SYNE1: variants seen among roughly 807,000 people sequenced by gnomAD.
SYNE1 encodes the protein spectrin repeat containing nuclear envelope protein 1, also known as nesprin-1.
In SYNE1, 616 loss-of-function variants were observed where a neutral mutation model predicts 1,111.0. That is an observed-to-expected ratio of 0.55 (90% confidence interval 0.52 to 0.59). SYNE1 has a LOEUF of 0.59. Among genes scored for constraint, SYNE1 ranks in the 20% least tolerant of loss-of-function variants. The pLI, the probability that SYNE1 is intolerant of heterozygous loss-of-function variation, is 0.00. For missense variants in SYNE1, 10,006 were observed against 10,417.0 expected (o/e 0.96, Z 1.72); for synonymous variants, 3,855 against 3,825.8 (o/e 1.01, Z -0.28).
chr6:152,313,507 G>A (rs1211010462), intron 87 of SYNE1, among the ~76,000 whole-genome samples: 2 of 149,064 alleles, frequency 1.3e-5, no homozygotes, highest in African/African-American at 5.0e-5. Context: ...TCTGTGGCCA[G>A]GCTGGAGTGC....
chr6:152,494,362 C>T (rs950488719), intron 11 of SYNE1, among the ~76,000 whole-genome samples: 12 of 152,156 alleles, frequency 7.9e-5, no homozygotes, highest in African/African-American at 2.9e-4. Context: ...CCACACCTGA[C>T]CCCCATGATT....
At chr6:152,408,676 G>T (rs983000432) in intron 44 of SYNE1, among the ~76,000 whole-genome samples, 6 of 152,108 alleles carry the variant, frequency 3.9e-5, no homozygotes, top group Admixed American at 1.3e-4. Context: ...AAATTCAGCT[G>T]GGTGCGGTGG....
At chr6:152,187,867 A>G (rs1468001471) in intron 128 of SYNE1, among the ~76,000 whole-genome samples, 4 of 152,084 alleles carry the variant, frequency 2.6e-5, no homozygotes, top group Non-Finnish European at 5.9e-5. Context: ...CTGGGATTAC[A>G]GGCACCCGCC....
Position 152,344,329 on chromosome 6 carries a change from T to C in SYNE1, c.12079-102A>G, listed in dbSNP as rs1000254950. ...ATGACCAGTACATCTAAATGGATTT[T>C]CCCCCCAAGATTCTGCAATTTCATC... is the stretch of plus-strand genomic sequence containing the variant. On this transcript the variant is annotated intron_variant, in intron 73 of 145. Coordinates refer to ENST00000367255, the MANE Select transcript of SYNE1 (RefSeq NM_182961.4). 6 of 1,537,174 alleles carry C rather than the reference T, an allele frequency of 3.9e-6. No homozygotes were observed. In the African/African-American group the frequency reaches 4.1e-5, roughly 10 times the overall value.
chr6:152,281,430 T>C (rs909431671), intron 97 of SYNE1, among the ~76,000 whole-genome samples: 1 of 152,184 alleles, frequency 6.6e-6, no homozygotes, highest in Non-Finnish European at 1.5e-5. Flanking sequence ...AGAACCAAAA[T>C]TGTAACAGAG....
chr6:152,391,376 G>GC lies in SYNE1; in HGVS notation c.7904dup (p.Ser2635ArgfsTer42). 1 of 1,613,994 alleles carries GC rather than the reference G, an allele frequency of 6.2e-7. No homozygotes were observed. The highest frequency in any genetic ancestry group is 1.1e-5 in the South Asian group (1 of 91,068). On this transcript the variant is annotated frameshift_variant, in exon 52 of 146. Coordinates refer to ENST00000367255, the MANE Select transcript of SYNE1 (RefSeq NM_182961.4). LOFTEE classifies it high-confidence loss of function. ...GAATGGCCTTCACCCAGAACCACAT[G>GC]CTTTGCAGTGCTTCCTCCAGGGCTT...
chr6:152,167,618 CA>C (rs1179019336), intron 130 of SYNE1: 1 of 418,270 alleles, frequency 2.4e-6, no homozygotes, highest in Non-Finnish European at 4.8e-6. Context: ...CTGACAAGCA[CA>C]AACAAAAGCA....
At chr6:152,490,592 C>G (rs575782504) in intron 11 of SYNE1, among the ~76,000 whole-genome samples, 6 of 152,280 alleles carry the variant, frequency 3.9e-5, no homozygotes, top group African/African-American at 1.4e-4. Flanking sequence ...CCCCCTTTGA[C>G]TGTAATTTTC....
rs1445073584 is a variant in SYNE1 at position 152,189,264 on chromosome 6, T to G, written c.23289A>C (p.Glu7763Asp). The change falls in exon 128 of 146, where the codon GAA becomes GAC. Residue 7763 changes from glutamate to aspartate, a missense_variant. Glu to Asp is a conservative substitution (Grantham distance 45). Coordinates refer to ENST00000367255, the MANE Select transcript of SYNE1 (RefSeq NM_182961.4). The stretch of plus-strand genomic sequence containing the variant: ...GAACTTATCTTACCTGGTGGCATAG[T>G]TCTTCCCACTGCCTTTGCAGAAGCT... ...RVELLQRQWE[E>D]LCHQLSLRRQ... is the part of the protein sequence containing the mutation. 3.1e-6 allele frequency: 5 copies of G among 1,613,920 alleles called. No homozygotes were observed. Among genetic ancestry groups the G allele is most frequent in the Non-Finnish European group, 4.2e-6 (5 of 1,179,966 alleles).
intron 44 of SYNE1, among the ~76,000 whole-genome samples, chr6:152,407,714 G>A (rs2097920872): frequency 6.7e-6 from 1 of 149,332 alleles, no homozygotes; most frequent in South Asian, 2.1e-4. Context: ...AATCCCAAAA[G>A]CTATAAATAA....
intron 45 of SYNE1, among the ~76,000 whole-genome samples, chr6:152,405,746 C>T (rs925972834): frequency 3.9e-5 from 6 of 152,266 alleles, no homozygotes; most frequent in African/African-American, 1.4e-4. Context: ...GAGGACACTG[C>T]GGTATCCATC....
chr6:152,550,058 T>A (rs2099332417), intron 3 of SYNE1, among the ~76,000 whole-genome samples: 2 of 152,178 alleles, frequency 1.3e-5, no homozygotes, highest in South Asian at 4.1e-4. Flanking sequence ...ATAGGATGTC[T>A]AGCAATGTCA....
At position 152,391,585 on chromosome 6, in the gene SYNE1, AAAAAAAAAAG is replaced by A. The variant is rs2097634650; in HGVS notation, c.7713-27_7713-18del. 6.4e-7 allele frequency: 1 copy of A among 1,565,974 alleles called. No homozygotes were observed. Among genetic ancestry groups the A allele is most frequent in the African/African-American group, 1.5e-5 (1 of 68,320 alleles). Reference sequence around the variant, plus strand: ...AGAGACTCTCTGAAAAAAAGGAAAAAAAAAAAAAAGAAAAAAAATTAATTCTGACATCCTG... The same window carrying A: ...AGAGACTCTCTGAAAAAAAGGAAAAAAAAAAAAATTAATTCTGACATCCTG... On this transcript the variant is annotated intron_variant, in intron 51 of 145. Coordinates refer to ENST00000367255, the MANE Select transcript of SYNE1 (RefSeq NM_182961.4).
chr6:152,348,398 G>T (rs930220238), intron 72 of SYNE1, among the ~76,000 whole-genome samples: 2 of 152,114 alleles, frequency 1.3e-5, no homozygotes, highest in East Asian at 1.9e-4. Context: ...TAAAAATCAC[G>T]TTCTGGCCAG....
intron 127 of SYNE1, among the ~76,000 whole-genome samples, chr6:152,201,311 C>T (rs1435632989): frequency 6.6e-6 from 1 of 151,992 alleles, no homozygotes; most frequent in Non-Finnish European, 1.5e-5. Flanking sequence ...AAGTGTTGAT[C>T]ATAATCTTTA....
chr6:152,278,652 G>A (rs973065295), intron 97 of SYNE1, among the ~76,000 whole-genome samples: 2 of 152,018 alleles, frequency 1.3e-5, no homozygotes, highest in Non-Finnish European at 2.9e-5. Context: ...TAGTAGAGAC[G>A]GGGTTTCACC....
In SYNE1 at chr6:152,161,302, A is replaced by G. The variant is rs56812032; in HGVS notation, c.23790+2861T>C. On this transcript the variant is annotated intron_variant, in intron 131 of 145. Transcript: ENST00000367255. Reference sequence around the variant, plus strand: ...TATATATTACATTACTACTATGGTAATTTTCTCCTCTCTATTTTCTTTATT... The same window carrying G: ...TATATATTACATTACTACTATGGTAGTTTTCTCCTCTCTATTTTCTTTATT... Among the ~76,000 whole-genome samples, 388 of 147,970 alleles carry G rather than the reference A, an allele frequency of 2.6e-3. 1 individual carries two copies. Among genetic ancestry groups the G allele is most frequent in the African/African-American group, 9.2e-3 (375 of 40,552 alleles).
chr6:152,244,871 TA>T (rs1402865697), intron 105 of SYNE1, among the ~76,000 whole-genome samples: 2 of 152,212 alleles, frequency 1.3e-5, no homozygotes, highest in Non-Finnish European at 2.9e-5. Context: ...GCAGTTATCT[TA>T]CAGATAATGA....
At chr6:152,295,202 G>A (rs934385935) in intron 93 of SYNE1, among the ~76,000 whole-genome samples, 8 of 152,082 alleles carry the variant, frequency 5.3e-5, no homozygotes, top group African/African-American at 1.2e-4. Context: ...TCCAATCTTG[G>A]GTGGGATTGA....
Sources: allele counts gnomAD v4.1 joint callset (sites outside exome capture counted in the v4.1 genomes callset), GRCh38; gene constraint gnomAD v4.1.1; transcripts MANE v1.5; gene names NCBI Gene and HGNC (gene_info 2026-07-23, HGNC 2026-07-21).